Variants in PTPRD observed in about 807,000 individuals in gnomAD.
The protein encoded by PTPRD is receptor-type tyrosine-protein phosphatase delta.
A neutral mutation model predicts 214.5 loss-of-function variants in PTPRD; 34 were observed. The observed-to-expected ratio is 0.16, with a 90% CI of 0.12 to 0.21. The LOEUF (loss-of-function observed/expected upper bound fraction) is 0.21. Among genes scored for constraint, PTPRD ranks in the 10% least tolerant of loss-of-function variants. PTPRD has a pLI of 1.00. For synonymous variants in PTPRD, 1,128 were observed against 845.7 expected, an observed-to-expected ratio of 1.33 and a Z score of -5.79; for missense variants, 2,545 against 2,398.7, an observed-to-expected ratio of 1.06 and a Z score of -1.27.
intron 3 of PTPRD, among the ~76,000 whole-genome samples, chr9:10,057,897 TGAA>T (rs1304619917): frequency 3.3e-5 from 5 of 151,806 alleles, no homozygotes; most frequent in African/African-American, 1.2e-4. Flanking sequence ...ATTCAGGACT[TGAA>T]GAAGCACACC....
chr9:9,222,611 TTCTG>T (rs749046015), intron 9 of PTPRD, among the ~76,000 whole-genome samples: 4 of 152,052 alleles, frequency 2.6e-5, no homozygotes, highest in Admixed American at 6.6e-5. Flanking sequence ...TTTCTTAATA[TTCTG>T]TCTAAACACG....
intron 7 of PTPRD, among the ~76,000 whole-genome samples, chr9:9,619,581 T>C (rs981989848): frequency 6.8e-6 from 1 of 146,202 alleles, no homozygotes; most frequent in Non-Finnish European, 1.5e-5. Flanking sequence ...GATTAATATA[T>C]CATATATGTT....
At chr9:9,425,355 A>C (rs1445226167) in intron 8 of PTPRD, among the ~76,000 whole-genome samples, 2 of 108,548 alleles carry the variant, frequency 1.8e-5, no homozygotes, top group East Asian at 4.7e-4. Context: ...TTACATGTGC[A>C]TATATATAAA....
chr9:10,546,201 T>C (rs1040376478), intron 2 of PTPRD, among the ~76,000 whole-genome samples: 1 of 147,370 alleles, frequency 6.8e-6, no homozygotes, highest in African/African-American at 2.5e-5. Flanking sequence ...TGTGCATGTA[T>C]TTATTTTTTT....
At chr9:9,579,942 G>C (rs1289454774) in intron 7 of PTPRD, among the ~76,000 whole-genome samples, 1 of 152,064 alleles carries the variant, frequency 6.6e-6, no homozygotes, top group Non-Finnish European at 1.5e-5. Context: ...TTATAAGAGA[G>C]AATATGCAGT....
chr9:8,811,658 C>A (rs1051002543), intron 11 of PTPRD, among the ~76,000 whole-genome samples: 1 of 151,988 alleles, frequency 6.6e-6, no homozygotes, highest in Admixed American at 6.6e-5. Flanking sequence ...GCTATACTGC[C>A]TCAACTATTA....
intron 11 of PTPRD, among the ~76,000 whole-genome samples, chr9:8,965,891 A>G (rs925143576): frequency 1.3e-5 from 2 of 152,134 alleles, no homozygotes; most frequent in African/African-American, 2.4e-5. Flanking sequence ...AGAAAACCCT[A>G]AGGACTCTGA....
At chr9:9,178,541 T>TA (rs2099926298) in intron 10 of PTPRD, among the ~76,000 whole-genome samples, 2 of 152,102 alleles carry the variant, frequency 1.3e-5, no homozygotes, top group Non-Finnish European at 2.9e-5. Flanking sequence ...CTGGGGTCTT[T>TA]ACAGCCTATT....
chr9:9,035,979 C>G (rs1226122997), intron 10 of PTPRD, among the ~76,000 whole-genome samples: 1 of 152,060 alleles, frequency 6.6e-6, no homozygotes, highest in Non-Finnish European at 1.5e-5. Context: ...CTTAATCATT[C>G]TTACCTATTT....
chr9:9,187,539 A>G (rs10977555), intron 9 of PTPRD, among the ~76,000 whole-genome samples: 26,542 of 151,950 alleles, frequency 0.17, 2,831 homozygotes, highest in Admixed American at 0.3. Context: ...CTTGGCAAAC[A>G]TGTTAGATTT....
rs539407840 is a variant in PTPRD at position 9,631,576 on chromosome 9, T to C, written c.-286-56795A>G. Among the ~76,000 whole-genome samples, 4 of 152,254 alleles carry C rather than the reference T, an allele frequency of 2.6e-5. No individual in the cohort carries two copies. In the South Asian group the frequency reaches 8.3e-4, roughly 32 times the overall value. ...GATTCAGCAGGTTTCAGAGTTGTATTACAAGAGAAAATACAAGTCAAGTAG... is the reference window on the plus strand; with the variant it reads ...GATTCAGCAGGTTTCAGAGTTGTATCACAAGAGAAAATACAAGTCAAGTAG... On this transcript the variant is annotated intron_variant, in intron 7 of 45. Transcript: ENST00000381196.
At chr9:8,480,306 C>T (rs1200295526) in intron 30 of PTPRD, among the ~76,000 whole-genome samples, 2 of 152,174 alleles carry the variant, frequency 1.3e-5, no homozygotes, top group Admixed American at 6.5e-5. Flanking sequence ...AGCTAACTTC[C>T]TGTCACTTTT....
intron 2 of PTPRD, among the ~76,000 whole-genome samples, chr9:10,586,907 AC>A (rs1187689958): frequency 1.3e-5 from 2 of 151,904 alleles, no homozygotes; most frequent in East Asian, 3.9e-4. Flanking sequence ...TAATCAACAC[AC>A]TTTTGCTTAT....
At chr9:8,630,857 T>C (rs979591194) in intron 14 of PTPRD, among the ~76,000 whole-genome samples, 2 of 151,898 alleles carry the variant, frequency 1.3e-5, no homozygotes, top group South Asian at 2.1e-4. Flanking sequence ...TTTGTTAATG[T>C]CTTCATTGGA....
chr9:8,491,999 C>A (rs2097160496), intron 27 of PTPRD, among the ~76,000 whole-genome samples: 1 of 152,212 alleles, frequency 6.6e-6, no homozygotes, highest in Non-Finnish European at 1.5e-5. Flanking sequence ...ACTCATTCTA[C>A]AATGCCAGAT....
At chr9:8,536,873 G>A (rs1182237844) in intron 14 of PTPRD, among the ~76,000 whole-genome samples, 1 of 151,950 alleles carries the variant, frequency 6.6e-6, no homozygotes, top group Non-Finnish European at 1.5e-5. Context: ...CTCAGAGGCT[G>A]GAAGGCAGAG....
rs920859505 is a variant in PTPRD, at chr9:8,390,044, T to G, written c.4211-637A>C. On this transcript the variant is annotated intron_variant, in intron 36 of 45. Coordinates refer to ENST00000381196, the MANE Select transcript of PTPRD (RefSeq NM_002839.4). ...ATGTGTCTTGACCTCTGTAAAGTAT[T>G]GCTTCTCATTTAAAACTCGTGATTT... Among the ~76,000 whole-genome samples, 2 of 152,288 alleles carry G rather than the reference T, an allele frequency of 1.3e-5. 1 individual carries two copies.
intron 14 of PTPRD, among the ~76,000 whole-genome samples, chr9:8,566,797 C>T (rs1220728750): frequency 1.3e-5 from 2 of 152,150 alleles, no homozygotes; most frequent in Non-Finnish European, 2.9e-5. Context: ...AGTTCCAGCC[C>T]ATTCCTCTTA....
chr9:8,557,457 T>TATATATA (rs1564324431), intron 14 of PTPRD, among the ~76,000 whole-genome samples: 2 of 135,744 alleles, frequency 1.5e-5, no homozygotes, highest in African/African-American at 7.1e-5. Flanking sequence ...TATATATATA[T>TATATATA]TTGGGCCGGG....
Sources: allele counts gnomAD v4.1 joint callset (sites outside exome capture counted in the v4.1 genomes callset), GRCh38; gene constraint gnomAD v4.1.1; transcripts MANE v1.5; gene names NCBI Gene and HGNC (gene_info 2026-07-23, HGNC 2026-07-21).